Variants in SDK1 observed in about 807,000 individuals in gnomAD.
SDK1 encodes the protein protein sidekick-1.
In SDK1, 157 loss-of-function variants were observed where a neutral mutation model predicts 245.5. The observed-to-expected ratio is 0.64, with a 90% CI of 0.56 to 0.73. The LOEUF (loss-of-function observed/expected upper bound fraction) is 0.73. SDK1 is among the 30% of genes least tolerant of loss of function. SDK1 has a pLI of 0.00. For missense variants in SDK1, 3,583 were observed against 3,002.3 expected, an observed-to-expected ratio of 1.19 and a Z score of -4.52; for synonymous variants, 1,647 against 1,278.5, an observed-to-expected ratio of 1.29 and a Z score of -6.15.
chr7:3,352,561 C>CA (rs1780687923), intron 1 of SDK1, among the ~76,000 whole-genome samples: 1 of 152,056 alleles, frequency 6.6e-6, no homozygotes, highest in South Asian at 2.1e-4. Flanking sequence ...TGTTCTTTGG[C>CA]CAGACACCTA....
chr7:3,394,142 A>T (rs1174426579), intron 1 of SDK1, among the ~76,000 whole-genome samples: 2 of 151,684 alleles, frequency 1.3e-5, no homozygotes, highest in African/African-American at 4.8e-5. Context: ...CCAGACAGAG[A>T]TATTGTTCTC....
chr7:3,646,974 T>C (rs896532623), intron 4 of SDK1, among the ~76,000 whole-genome samples: 4 of 152,200 alleles, frequency 2.6e-5, no homozygotes, highest in Non-Finnish European at 5.9e-5. Flanking sequence ...GGGAGTTATG[T>C]TTAATGGGTA....
At chr7:4,139,681 G>GTGTGTATGTGTT (rs1554358883) in intron 28 of SDK1, among the ~76,000 whole-genome samples, 2 of 113,402 alleles carry the variant, frequency 1.8e-5, no homozygotes, top group African/African-American at 4.2e-5. Context: ...GTGTATATGT[G>GTGTGTATGTGTT]TGTGTGTGTA....
chr7:4,190,123 T>C (rs936204496), intron 35 of SDK1, among the ~76,000 whole-genome samples: 2 of 151,778 alleles, frequency 1.3e-5, no homozygotes, highest in African/African-American at 4.8e-5. Context: ...TAGGGAAGAG[T>C]GAATGGCACC....
intron 4 of SDK1, among the ~76,000 whole-genome samples, chr7:3,802,323 A>G (rs1342937013): frequency 6.6e-6 from 1 of 152,172 alleles, no homozygotes; most frequent in Non-Finnish European, 1.5e-5. Flanking sequence ...TGGAAGTTCA[A>G]GACCGGCCTG....
intron 28 of SDK1, among the ~76,000 whole-genome samples, chr7:4,138,512 G>A (rs1779243353): frequency 6.6e-6 from 1 of 152,124 alleles, no homozygotes; most frequent in Admixed American, 6.5e-5. Context: ...TTGGGAGGCT[G>A]AGAAGGGTGG....
At chr7:3,723,435 C>T (rs1265691780) in intron 4 of SDK1, among the ~76,000 whole-genome samples, 1 of 152,180 alleles carries the variant, frequency 6.6e-6, no homozygotes, top group Non-Finnish European at 1.5e-5. Context: ...ATAAGGGGAT[C>T]TCCCTGTGGA....
rs911686853 is a variant in SDK1, at chr7:3,730,224, C to T, written c.713+88119C>T. Reference sequence around the variant, plus strand: ...AAACAGTCTAGGAAATAGGGAAGGGCATCTCAGCCTCACATACAGTGCCCA... The same window carrying T: ...AAACAGTCTAGGAAATAGGGAAGGGTATCTCAGCCTCACATACAGTGCCCA... On this transcript the variant is annotated intron_variant, in intron 4 of 44. Coordinates refer to ENST00000404826, the MANE Select transcript of SDK1 (RefSeq NM_152744.4). Among the ~76,000 whole-genome samples the T allele has an allele frequency of 3.3e-5, 5 of 152,128 alleles. 1 individual carries two copies. Among genetic ancestry groups the T allele is most frequent in the African/African-American group, 7.2e-5 (3 of 41,424 alleles).
chr7:3,715,461 C>A (rs893355384), intron 4 of SDK1, among the ~76,000 whole-genome samples: 1 of 152,118 alleles, frequency 6.6e-6, no homozygotes, highest in East Asian at 1.9e-4. Flanking sequence ...CTCAGCCTAC[C>A]GAACCAGACA....
In SDK1 at chr7:4,267,557, A is replaced by G; in HGVS notation, c.*2173A>G. The G allele has an allele frequency of 2.0e-6, 2 of 985,502 alleles. No individual in the cohort carries two copies. The highest frequency in any genetic ancestry group is 2.4e-6 in the Non-Finnish European group (2 of 829,964). The allele number at this position is 985,502 out of a possible 1,614,324, so 61.0% of individuals were successfully genotyped here. A position where few individuals can be genotyped will look rare whatever the true frequency, so the allele number is the denominator to read the frequency against. On this transcript the variant is annotated 3_prime_UTR_variant, in exon 45 of 45. Coordinates refer to ENST00000404826, the MANE Select transcript of SDK1 (RefSeq NM_152744.4). ...TGTGAGCACTGGAATTTCTTGGAAG[A>G]GAAGCGATAAATGGAGACCATGGCC...
At chr7:3,951,260 G>A (rs933548467) in intron 6 of SDK1, among the ~76,000 whole-genome samples, 1 of 152,046 alleles carries the variant, frequency 6.6e-6, no homozygotes, top group Non-Finnish European at 1.5e-5. Context: ...TGCAGCTCTG[G>A]GTGGTAGTGG....
chr7:3,455,646 T>C (rs1295127877), intron 1 of SDK1, among the ~76,000 whole-genome samples: 7 of 152,092 alleles, frequency 4.6e-5, no homozygotes, highest in Admixed American at 1.3e-4. Context: ...TGTGTGACTC[T>C]TCCTCCACCG....
intron 4 of SDK1, among the ~76,000 whole-genome samples, chr7:3,658,428 G>A (rs1354588056): frequency 2.0e-5 from 3 of 151,968 alleles, no homozygotes; most frequent in Non-Finnish European, 2.9e-5. Context: ...CTTCTGAAGG[G>A]CTCACATTCT....
chr7:3,673,843 A>G (rs1174858686), intron 4 of SDK1, among the ~76,000 whole-genome samples: 2 of 152,242 alleles, frequency 1.3e-5, no homozygotes, highest in African/African-American at 4.8e-5. Flanking sequence ...CATAAAACTG[A>G]GTTCTAAGTA....
intron 34 of SDK1, among the ~76,000 whole-genome samples, chr7:4,177,931 T>C (rs1388123904): frequency 6.6e-6 from 1 of 151,286 alleles, no homozygotes; most frequent in Non-Finnish European, 1.5e-5. Flanking sequence ...CAAACCCTAT[T>C]GGGAACAGCA....
intron 17 of SDK1, among the ~76,000 whole-genome samples, chr7:4,023,158 G>A (rs1787059507): frequency 6.6e-6 from 1 of 152,058 alleles, no homozygotes; most frequent in Non-Finnish European, 1.5e-5. Flanking sequence ...CAAGCTCTCG[G>A]CATGGGCTAG....
At chr7:3,804,268 A>G (rs1042829684) in intron 4 of SDK1, among the ~76,000 whole-genome samples, 4 of 152,220 alleles carry the variant, frequency 2.6e-5, no homozygotes, top group African/African-American at 9.7e-5. Flanking sequence ...GTATTCAGTT[A>G]TATGAGGGTT....
chr7:4,198,228 C>T (rs370263200), intron 35 of SDK1, among the ~76,000 whole-genome samples: 31 of 152,314 alleles, frequency 2.0e-4, no homozygotes, highest in African/African-American at 6.7e-4. Flanking sequence ...CTTCTGCTAG[C>T]GGCCCAAACC....
intron 35 of SDK1, among the ~76,000 whole-genome samples, chr7:4,199,000 G>A (rs1196815933): frequency 6.6e-6 from 1 of 152,000 alleles, no homozygotes; most frequent in Non-Finnish European, 1.5e-5. Context: ...TTTTAGTAGA[G>A]ACGGGGGTTT....
Sources: gnomAD v4.1 joint callset for allele counts (sites outside exome capture counted in the v4.1 genomes callset) on GRCh38, gnomAD v4.1.1 for gene constraint, MANE v1.5 for transcripts, NCBI Gene and HGNC (gene_info 2026-07-23, HGNC 2026-07-21) for gene names.